The following BICD1 variants were observed in gnomAD, a reference collection of about 807,000 sequenced individuals.
BICD1 encodes protein bicaudal D homolog 1.
Under a neutral mutation model 92.5 loss-of-function variants are expected in BICD1, and 35 were observed. The observed-to-expected ratio is 0.38, with a 90% CI of 0.29 to 0.50. The LOEUF (loss-of-function observed/expected upper bound fraction) is 0.50. BICD1 is among the 20% of genes least tolerant of loss of function. The probability of loss-of-function intolerance (pLI) is 0.93; values close to 1 mark genes in which losing one functional copy is unlikely to be tolerated. For missense variants in BICD1, 950 were observed against 1,189.8 expected (o/e 0.80, Z 2.97); for synonymous variants, 429 against 465.1 (o/e 0.92, Z 1.00).
intron 3 of BICD1, among the ~76,000 whole-genome samples, chr12:32,301,663 T>A (rs1333403826): frequency 1.3e-5 from 2 of 151,522 alleles, no homozygotes; most frequent in Admixed American, 6.6e-5. Context: ...CAATCCCAGC[T>A]ACCCAGGAGG....
At chr12:32,231,069 A>C (rs1945871367) in intron 2 of BICD1, among the ~76,000 whole-genome samples, 1 of 152,252 alleles carries the variant, frequency 6.6e-6, no homozygotes, top group Admixed American at 6.5e-5. Flanking sequence ...ATAGTTCACA[A>C]AATGATGTCA....
intron 1 of BICD1, among the ~76,000 whole-genome samples, chr12:32,201,098 C>G (rs981107826): frequency 1.3e-5 from 2 of 152,124 alleles, no homozygotes; most frequent in Non-Finnish European, 1.5e-5. Flanking sequence ...TTCAAAAGAG[C>G]CTACTGTAAT....
At chr12:32,267,661 T>C (rs1947035368) in intron 2 of BICD1, among the ~76,000 whole-genome samples, 3 of 152,258 alleles carry the variant, frequency 2.0e-5, no homozygotes, top group African/African-American at 4.8e-5. Flanking sequence ...TGCTGCAAAG[T>C]GATAAATATG....
intron 8 of BICD1, among the ~76,000 whole-genome samples, chr12:32,360,762 G>A (rs1178416348): frequency 1.3e-5 from 2 of 152,090 alleles, no homozygotes; most frequent in African/African-American, 4.8e-5. Flanking sequence ...ATGAAATATG[G>A]TCTTCACTTA....
chr12:32,346,655 T>TACACAC (rs1425934757), intron 8 of BICD1, among the ~76,000 whole-genome samples: 1 of 26,256 alleles, frequency 3.8e-5, no homozygotes, highest in African/African-American at 1.6e-4. Context: ...TATATATATA[T>TACACAC]ATACACACAC....
At position 32,377,597 on chromosome 12, in the gene BICD1, C is replaced by T; in HGVS notation, c.2898C>T (p.Leu966=). ...QPHSSSQCAP[L]HCLSKPPHP ...ATTCCAGCTCCCAGTGCGCCCCTCTCCACTGTCTCTCCAAGCCTCCTCACC... is the reference window on the plus strand; with the variant it reads ...ATTCCAGCTCCCAGTGCGCCCCTCTTCACTGTCTCTCCAAGCCTCCTCACC... Residue 966 remains leucine (L), a synonymous_variant, in exon 10 of 10, where the codon CTC becomes CTT. Coordinates refer to ENST00000652176, the MANE Select transcript of BICD1 (RefSeq NM_001714.4). 6.2e-7 allele frequency: 1 copy of T among 1,614,104 alleles called. No individual in the cohort carries two copies. The highest frequency in any genetic ancestry group is 8.5e-7 in the Non-Finnish European group (1 of 1,179,968).
intron 1 of BICD1, among the ~76,000 whole-genome samples, chr12:32,202,754 G>T (rs897442523): frequency 1.3e-5 from 2 of 152,034 alleles, no homozygotes; most frequent in African/African-American, 4.8e-5. Context: ...GGAACTACAG[G>T]TGTGCACCAC....
intron 4 of BICD1, among the ~76,000 whole-genome samples, chr12:32,307,446 T>G (rs1948258845): frequency 6.6e-6 from 1 of 152,280 alleles, no homozygotes; most frequent in South Asian, 2.1e-4. Flanking sequence ...TACCATCACC[T>G]GGGGGCTTAT....
chr12:32,366,155 G>A (rs1453514674), intron 8 of BICD1, among the ~76,000 whole-genome samples: 5 of 152,190 alleles, frequency 3.3e-5, no homozygotes, highest in African/African-American at 1.2e-4. Flanking sequence ...AGCATCAGCA[G>A]TTTTTTCGAA....
chr12:32,111,123 C>G (rs73306287), intron 1 of BICD1, among the ~76,000 whole-genome samples: 6,613 of 152,182 alleles, frequency 0.043, 459 homozygotes, highest in African/African-American at 0.15. Flanking sequence ...ATCTGTGAGA[C>G]AGCTTTAGAA....
chr12:32,253,651 TTC>T (rs1244159871), intron 2 of BICD1, among the ~76,000 whole-genome samples: 1 of 152,306 alleles, frequency 6.6e-6, no homozygotes, highest in East Asian at 1.9e-4. Flanking sequence ...TCTAGCACAC[TTC>T]TTTTTTATTT....
At chr12:32,230,489 G>C (rs1337837934) in intron 2 of BICD1, among the ~76,000 whole-genome samples, 1 of 152,160 alleles carries the variant, frequency 6.6e-6, no homozygotes, top group Non-Finnish European at 1.5e-5. Context: ...GAGATCATCT[G>C]TGTGGGTATT....
In BICD1 at chr12:32,197,610, T is replaced by G. The variant is rs556349731; in HGVS notation, c.214-18637T>G. ...ATATAAAGGAGGGAGAACAATTTCC[T>G]TGACAACCAATTAATATGTATAGCT... On this transcript the variant is annotated intron_variant, in intron 1 of 9. Transcript: ENST00000652176. Among the ~76,000 whole-genome samples, 66 of 152,352 alleles carry G rather than the reference T, an allele frequency of 4.3e-4. 3 individuals are homozygous for G. In the South Asian group the frequency reaches 8.9e-3, roughly 21 times the overall value.
rs1268792744 is a variant in BICD1 at position 32,369,764 on chromosome 12, G to A, written c.2840+2019G>A. Among the ~76,000 whole-genome samples the A allele has an allele frequency of 1.3e-5, 2 of 151,424 alleles. 1 individual carries two copies. The highest frequency in any genetic ancestry group is 2.9e-5 in the Non-Finnish European group (2 of 67,932). ...AATTTTTTTTTTTTTAAATTAGCCA[G>A]GTATAATGGCACATGGCTGTAGTCC... On this transcript the variant is annotated intron_variant, in intron 9 of 9. Transcript: ENST00000652176.
chr12:32,161,151 C>A (rs1943588769), intron 1 of BICD1, among the ~76,000 whole-genome samples: 1 of 152,164 alleles, frequency 6.6e-6, no homozygotes, highest in Non-Finnish European at 1.5e-5. Context: ...ACTTACTGAG[C>A]CCCCAACATG....
chr12:32,254,899 T>C (rs1186113930), intron 2 of BICD1, among the ~76,000 whole-genome samples: 1 of 152,222 alleles, frequency 6.6e-6, no homozygotes, highest in Non-Finnish European at 1.5e-5. Flanking sequence ...AGCAGAAGCA[T>C]TAAGTAAGAT....
At chr12:32,115,039 C>T (rs1389459818) in intron 1 of BICD1, among the ~76,000 whole-genome samples, 4 of 151,658 alleles carry the variant, frequency 2.6e-5, no homozygotes, top group African/African-American at 4.8e-5. Flanking sequence ...GGGGTGTGGG[C>T]GGCGGGGGAG....
intron 2 of BICD1, 49 bp downstream of exon 2, chr12:32,216,508 A>G: frequency 6.4e-7 from 1 of 1,572,366 alleles, no homozygotes; most frequent in South Asian, 1.1e-5. Context: ...GAGAAATAAG[A>G]AAGTTCTCTC....
chr12:32,173,561 A>G (rs560024243), intron 1 of BICD1, among the ~76,000 whole-genome samples: 1 of 152,196 alleles, frequency 6.6e-6, no homozygotes, highest in Non-Finnish European at 1.5e-5. Flanking sequence ...CTAAGAAAGA[A>G]AACGAAAAAA....
Sources: gnomAD v4.1 joint callset for allele counts (sites outside exome capture counted in the v4.1 genomes callset) on GRCh38, gnomAD v4.1.1 for gene constraint, MANE v1.5 for transcripts, NCBI Gene and HGNC (gene_info 2026-07-23, HGNC 2026-07-21) for gene names.